The following LUZP2 variants were observed in gnomAD, a reference collection of about 807,000 sequenced individuals.
LUZP2 encodes leucine zipper protein 2.
In LUZP2, 52 loss-of-function variants were observed where a neutral mutation model predicts 51.6. The ratio of observed to expected loss-of-function variants is 1.01; its 90% confidence interval spans 0.81 to 1.27. The LOEUF (loss-of-function observed/expected upper bound fraction) is 1.27. Among genes scored for constraint, LUZP2 ranks in the 50% most tolerant of loss-of-function variants. The pLI is 0.00. For missense variants in LUZP2, 436 were observed against 395.4 expected, an observed-to-expected ratio of 1.10 and a Z score of -0.87; for synonymous variants, 154 against 137.3, an observed-to-expected ratio of 1.12 and a Z score of -0.85.
chr11:24,516,918 AT>A (rs1207041281), intron 1 of LUZP2, among the ~76,000 whole-genome samples: 1 of 152,138 alleles, frequency 6.6e-6, no homozygotes, highest in Non-Finnish European at 1.5e-5. Context: ...TGAGTTACTT[AT>A]TTTTACATAC....
chr11:25,034,999 A>G (rs1384333928), intron 9 of LUZP2, among the ~76,000 whole-genome samples: 1 of 152,108 alleles, frequency 6.6e-6, no homozygotes, highest in East Asian at 1.9e-4. Context: ...TTTTGTCATA[A>G]AAACCCTTGA....
intron 5 of LUZP2, among the ~76,000 whole-genome samples, chr11:24,845,275 G>T (rs542590952): frequency 6.6e-6 from 1 of 152,304 alleles, no homozygotes; most frequent in East Asian, 1.9e-4. Flanking sequence ...GGAGCTTTAA[G>T]ATTTGACTGC....
intron 1 of LUZP2, among the ~76,000 whole-genome samples, chr11:24,578,438 G>T (rs752578516): frequency 3.9e-5 from 6 of 151,948 alleles, no homozygotes; most frequent in East Asian, 1.9e-4. Flanking sequence ...TCATTAAGAG[G>T]CAAAGGTAGG....
intron 1 of LUZP2, among the ~76,000 whole-genome samples, chr11:24,607,812 A>C (rs1853979579): frequency 6.8e-6 from 1 of 148,148 alleles, no homozygotes; most frequent in Non-Finnish European, 1.5e-5. Context: ...ATCTGTTGGT[A>C]CATCTATCTC....
At chr11:24,926,492 T>TGTGTATATATGTGTGTGTATATAC (rs1854267746) in intron 7 of LUZP2, among the ~76,000 whole-genome samples, 1 of 94,244 alleles carries the variant, frequency 1.1e-5, no homozygotes, top group Non-Finnish European at 2.1e-5. Flanking sequence ...TGTATATATA[T>TGTGTATATATGTGTGTGTATATAC]GTGTATATAT....
At chr11:24,910,955 C>T (rs535591041) in intron 6 of LUZP2, among the ~76,000 whole-genome samples, 1 of 152,294 alleles carries the variant, frequency 6.6e-6, no homozygotes, top group South Asian at 2.1e-4. Context: ...CCACAGGGTG[C>T]AGCTGCACAA....
chr11:24,834,691 A>G (rs1850805386), intron 5 of LUZP2, among the ~76,000 whole-genome samples: 2 of 107,634 alleles, frequency 1.9e-5, no homozygotes, highest in African/African-American at 2.8e-5. Flanking sequence ...CAATGGTTGA[A>G]CTAATTTGCA....
chr11:24,863,052 T>C lies in LUZP2; in HGVS notation c.397-42939T>C, dbSNP rs537754744. Among the ~76,000 whole-genome samples the C allele has an allele frequency of 2.0e-5, 3 of 152,206 alleles. No homozygotes were observed. In the East Asian group the frequency reaches 5.8e-4, roughly 29 times the overall value. ...CTGAGATTAGAAAGACAAACAACAC[T>C]AGCTATAGGTAAGGATGTGAGGAAA... On this transcript the variant is annotated intron_variant, in intron 5 of 11. Transcript: ENST00000336930.
At chr11:25,056,749 T>C (rs1858694472) in intron 10 of LUZP2, among the ~76,000 whole-genome samples, 1 of 152,190 alleles carries the variant, frequency 6.6e-6, no homozygotes. Flanking sequence ...AGCCCAGGAA[T>C]GTGTATTATT....
At chr11:25,012,973 G>A (rs1421939226) in intron 9 of LUZP2, among the ~76,000 whole-genome samples, 6 of 152,144 alleles carry the variant, frequency 3.9e-5, no homozygotes. Flanking sequence ...ATCAACCTAA[G>A]TGTCCATCAA....
intron 1 of LUZP2, among the ~76,000 whole-genome samples, chr11:24,509,293 G>A (rs1049153123): frequency 6.6e-6 from 1 of 151,918 alleles, no homozygotes; most frequent in African/African-American, 2.4e-5. Context: ...GGCTGGAACT[G>A]TTCTTCCACT....
chr11:24,701,305 A>G (rs1450340864), intron 1 of LUZP2: 1 of 166,468 alleles, frequency 6.0e-6, no homozygotes, highest in Non-Finnish European at 1.5e-5. Context: ...TTCAGCTGAA[A>G]GGGCAGTAAA....
rs903162266 is a variant in LUZP2, at chr11:24,993,635, C to T, written c.765+10342C>T. Among the ~76,000 whole-genome samples, 37 of 152,140 alleles carry T rather than the reference C, an allele frequency of 2.4e-4. 2 individuals are homozygous for T. Among genetic ancestry groups the T allele is most frequent in the Middle Eastern group, 3.4e-3 (1 of 294 alleles). ...TTTTGTGCCTTTTAATGTTTATTGT[C>T]CTGATATCTATTTTGCCTAATTTTA... On this transcript the variant is annotated intron_variant, in intron 9 of 11. Coordinates refer to ENST00000336930, the MANE Select transcript of LUZP2 (RefSeq NM_001009909.4).
At chr11:24,755,181 C>T (rs1859730426) in intron 4 of LUZP2, among the ~76,000 whole-genome samples, 2 of 151,894 alleles carry the variant, frequency 1.3e-5, no homozygotes, top group South Asian at 2.1e-4. Context: ...ACACATTAGT[C>T]GCAAATTATT....
At chr11:24,623,879 A>AT (rs1277779114) in intron 1 of LUZP2, among the ~76,000 whole-genome samples, 2 of 152,144 alleles carry the variant, frequency 1.3e-5, no homozygotes, top group Non-Finnish European at 2.9e-5. Flanking sequence ...ACACTATTTA[A>AT]TGTTCAATAA....
chr11:24,770,143 T>G (rs1278752586), intron 5 of LUZP2, among the ~76,000 whole-genome samples: 2 of 152,208 alleles, frequency 1.3e-5, no homozygotes, highest in Non-Finnish European at 2.9e-5. Context: ...AAAACACCCT[T>G]TCTGTACTAT....
At chr11:25,004,207 G>T (rs1016607475) in intron 9 of LUZP2, among the ~76,000 whole-genome samples, 1 of 152,194 alleles carries the variant, frequency 6.6e-6, no homozygotes, top group African/African-American at 2.4e-5. Flanking sequence ...CTGGGGCAGT[G>T]CACCTTCCAG....
chr11:24,657,963 T>C (rs565970234), intron 1 of LUZP2, among the ~76,000 whole-genome samples: 2 of 152,218 alleles, frequency 1.3e-5, no homozygotes, highest in South Asian at 4.2e-4. Flanking sequence ...TGCTCATGGG[T>C]AGGAAGAATC....
At chr11:24,942,708 GA>G (rs892651381) in intron 7 of LUZP2, among the ~76,000 whole-genome samples, 4 of 151,668 alleles carry the variant, frequency 2.6e-5, no homozygotes, top group South Asian at 4.2e-4. Context: ...CTTTCAAAGG[GA>G]AAAAAAACTT....
Sources: allele counts gnomAD v4.1 joint callset (sites outside exome capture counted in the v4.1 genomes callset), GRCh38; gene constraint gnomAD v4.1.1; transcripts MANE v1.5; gene names NCBI Gene and HGNC (gene_info 2026-07-23, HGNC 2026-07-21).